Variants in SPATA6 observed in about 807,000 individuals in gnomAD.
The protein encoded by SPATA6 is spermatogenesis associated 6, also known as spermatogenesis-associated protein 6.
Under a neutral mutation model 65.3 loss-of-function variants are expected in SPATA6, and 56 were observed. The ratio of observed to expected loss-of-function variants is 0.86; its 90% confidence interval spans 0.69 to 1.07. SPATA6 has a LOEUF of 1.07. SPATA6 is among the 50% of genes least tolerant of loss of function. SPATA6 has a pLI of 0.00. For missense variants in SPATA6, 590 were observed against 594.8 expected (o/e 0.99, Z 0.08); for synonymous variants, 199 against 213.2 (o/e 0.93, Z 0.58).
chr1:48,324,747 C>T (rs774170038), intron 11 of SPATA6, among the ~76,000 whole-genome samples: 8 of 152,024 alleles, frequency 5.3e-5, no homozygotes, highest in Non-Finnish European at 1.2e-4. Flanking sequence ...CATACCGAGT[C>T]GGGAATAAGT....
chr1:48,277,470 C>G, the SPATA6 span, among the ~76,000 whole-genome samples: 1 of 152,164 alleles, frequency 6.6e-6, no homozygotes, highest in South Asian at 2.1e-4. Flanking sequence ...TGGGTCACTC[C>G]CACCCCAATA....
intron 11 of SPATA6, chr1:48,325,439 T>C: frequency 1.6e-6 from 2 of 1,259,284 alleles, no homozygotes; most frequent in South Asian, 1.2e-5. Context: ...CTGGGACCAC[T>C]GCAGTTTGCA....
chr1:48,372,471 G>A (rs1400232357), intron 9 of SPATA6, among the ~76,000 whole-genome samples: 1 of 152,208 alleles, frequency 6.6e-6, no homozygotes, highest in Non-Finnish European at 1.5e-5. Flanking sequence ...CTGTGGTTTT[G>A]CAGGATATAG....
At chr1:48,392,922 T>TA (rs879745843) in intron 8 of SPATA6, among the ~76,000 whole-genome samples, 80 of 138,934 alleles carry the variant, frequency 5.8e-4, no homozygotes, top group Admixed American at 5.7e-4. Context: ...AAAAATATAG[T>TA]AAAAAAAAAA....
In SPATA6 at chr1:48,320,849, C is replaced by T. The variant is rs547498406; in HGVS notation, c.1195-14971G>A. On this transcript the variant is annotated intron_variant, in intron 11 of 12. Coordinates refer to ENST00000371847, the MANE Select transcript of SPATA6 (RefSeq NM_019073.4). ...TAAAGTAAGATAAAAATAGGAAAAA[C>T]AAAAAGTTAAAAAGAGGGGAGATGA... is the stretch of plus-strand genomic sequence containing the variant. Among the ~76,000 whole-genome samples the T allele has an allele frequency of 3.9e-5, 6 of 152,044 alleles. No homozygotes were observed. In the South Asian group the frequency reaches 1.2e-3, roughly 32 times the overall value.
the SPATA6 span, among the ~76,000 whole-genome samples, chr1:48,282,741 C>T: frequency 2.6e-5 from 4 of 152,198 alleles, no homozygotes; most frequent in East Asian, 1.9e-4. Context: ...GGTGGGACTG[C>T]AAACTAGTTC....
chr1:48,395,483 G>C, intron 7 of SPATA6, 129 bp from the exon 8 acceptor site: 1 of 462,834 alleles, frequency 2.2e-6, no homozygotes, highest in East Asian at 3.8e-5. Flanking sequence ...GTGCCCATGA[G>C]AGTCAGACAT....
chr1:48,367,001 G>A (rs1351344657), intron 9 of SPATA6, among the ~76,000 whole-genome samples: 1 of 151,976 alleles, frequency 6.6e-6, no homozygotes, highest in African/African-American at 2.4e-5. Context: ...TTGTGTCTTT[G>A]TTCTCGTTGG....
intron 10 of SPATA6, among the ~76,000 whole-genome samples, chr1:48,356,618 A>G (rs998888593): frequency 2.0e-5 from 3 of 150,958 alleles, no homozygotes; most frequent in African/African-American, 4.9e-5. Flanking sequence ...GGTTCAAGCA[A>G]TTCTCCTGCC....
At chr1:48,444,620 G>A (rs761835233) in intron 3 of SPATA6, among the ~76,000 whole-genome samples, 13 of 152,274 alleles carry the variant, frequency 8.5e-5, no homozygotes, top group Non-Finnish European at 1.6e-4. Context: ...GGACATAGGC[G>A]GGGACAAATA....
At position 48,413,098 on chromosome 1, in the gene SPATA6, A is replaced by AAT; in HGVS notation, c.280+10_280+11dup. 8.7e-7 allele frequency: 1 copy of AAT among 1,155,410 alleles called. No individual in the cohort carries two copies. The highest frequency in any genetic ancestry group is 1.1e-6 in the Non-Finnish European group (1 of 876,228). 71.6% of individuals were successfully genotyped at this position (1,155,410 alleles called of 1,614,324 possible). ...TATCTTATATTGTATATATTACATC[A>AAT]ATATATATTACCTGGTGGAACTAGC... On this transcript the variant is annotated intron_variant, in intron 4 of 12. Coordinates refer to ENST00000371847, the MANE Select transcript of SPATA6 (RefSeq NM_019073.4).
At chr1:48,455,994 C>T (rs1254478096) in intron 1 of SPATA6, among the ~76,000 whole-genome samples, 2 of 152,154 alleles carry the variant, frequency 1.3e-5, no homozygotes, top group African/African-American at 4.8e-5. Context: ...ATCACCTTGG[C>T]AAGCTATGAC....
Position 48,355,505 on chromosome 1 carries a change from C to T in SPATA6, c.1194+165G>A, listed in dbSNP as rs1248504351. 5 of 526,462 alleles carry T rather than the reference C, an allele frequency of 9.5e-6. No individual in the cohort carries two copies. In the African/African-American group the frequency reaches 9.7e-5, roughly 10 times the overall value. The allele number at this position is 526,462 out of a possible 1,614,324, so 32.6% of individuals were successfully genotyped here. ...TGCATAATGACTTAGGTCAAGCAGGCATTTAGATATGTTGCCTTGGGCAAA... is the reference window on the plus strand; with the variant it reads ...TGCATAATGACTTAGGTCAAGCAGGTATTTAGATATGTTGCCTTGGGCAAA... On this transcript the variant is annotated intron_variant, in intron 11 of 12. Coordinates refer to ENST00000371847, the MANE Select transcript of SPATA6 (RefSeq NM_019073.4).
At chr1:48,340,705 T>C (rs1646191375) in intron 11 of SPATA6, among the ~76,000 whole-genome samples, 1 of 151,902 alleles carries the variant, frequency 6.6e-6, no homozygotes, top group African/African-American at 2.4e-5. Flanking sequence ...ATCAAGTAAT[T>C]AAATGATTAC....
At chr1:48,271,866 A>C in the SPATA6 span, among the ~76,000 whole-genome samples, 4 of 152,174 alleles carry the variant, frequency 2.6e-5, no homozygotes, top group African/African-American at 7.2e-5. Context: ...CAATATGCTA[A>C]ACATGAGTCA....
the SPATA6 span, among the ~76,000 whole-genome samples, chr1:48,273,514 C>T: frequency 2.0e-5 from 3 of 152,214 alleles, no homozygotes; most frequent in African/African-American, 4.8e-5. Flanking sequence ...CAACAGGCCC[C>T]GGTGGTGTGA....
chr1:48,278,222 A>G, the SPATA6 span, among the ~76,000 whole-genome samples: 1 of 95,154 alleles, frequency 1.1e-5, no homozygotes, highest in Non-Finnish European at 2.5e-5. Context: ...TAAAACCACA[A>G]AGATGGGGAA....
intron 11 of SPATA6, among the ~76,000 whole-genome samples, chr1:48,313,758 T>C (rs927172666): frequency 1.7e-4 from 26 of 152,006 alleles, no homozygotes; most frequent in African/African-American, 6.0e-4. Context: ...GCAAACTGGA[T>C]AAAGAGTCAA....
intron 11 of SPATA6, among the ~76,000 whole-genome samples, chr1:48,326,862 T>G (rs1645777323): frequency 6.6e-6 from 1 of 152,126 alleles, no homozygotes; most frequent in Non-Finnish European, 1.5e-5. Flanking sequence ...CATGATATAT[T>G]AAAGACTTAA....
Sources: gnomAD v4.1 joint callset for allele counts (sites outside exome capture counted in the v4.1 genomes callset) on GRCh38, gnomAD v4.1.1 for gene constraint, MANE v1.5 for transcripts, NCBI Gene and HGNC (gene_info 2026-07-23, HGNC 2026-07-21) for gene names.